Variants in EMC2 observed in about 807,000 individuals in gnomAD.
EMC2 encodes the protein ER membrane protein complex subunit 2.
A neutral mutation model predicts 51.6 loss-of-function variants in EMC2; 37 were observed. That is an observed-to-expected ratio of 0.72 (90% CI 0.55 to 0.94). The LOEUF (loss-of-function observed/expected upper bound fraction) is 0.94, where lower values mean the gene tolerates loss of function less well. Among genes scored for constraint, EMC2 ranks in the 40% least tolerant of loss-of-function variants. The pLI is 0.00. For missense variants in EMC2, 359 were observed against 350.9 expected, an observed-to-expected ratio of 1.02 and a Z score of -0.18; for synonymous variants, 131 against 112.4, an observed-to-expected ratio of 1.17 and a Z score of -1.04.
At chr8:108,469,312 TATC>T (rs946950374) in intron 5 of EMC2, among the ~76,000 whole-genome samples, 26 of 152,220 alleles carry the variant, frequency 1.7e-4, no homozygotes, top group African/African-American at 6.0e-4. Flanking sequence ...TTGTTTTGCT[TATC>T]ATACAATATT....
intron 4 of EMC2, among the ~76,000 whole-genome samples, 159 bp from the exon 5 acceptor site, chr8:108,455,714 A>G (rs1819134385): frequency 6.6e-6 from 1 of 152,202 alleles, no homozygotes. Context: ...TGTTATATGA[A>G]GATGGAAGAC....
At chr8:108,448,381 C>A (rs1818931434) in intron 1 of EMC2, among the ~76,000 whole-genome samples, 1 of 152,076 alleles carries the variant, frequency 6.6e-6, no homozygotes, top group African/African-American at 2.4e-5. Context: ...GGCTCTGTGT[C>A]CCCACCCAAA....
intron 3 of EMC2, among the ~76,000 whole-genome samples, chr8:108,452,600 A>G (rs970089476): frequency 1.3e-5 from 2 of 152,142 alleles, no homozygotes; most frequent in Non-Finnish European, 2.9e-5. Flanking sequence ...TGATTAATAT[A>G]AAATTTCAAC....
At chr8:108,484,014 A>T (rs1811091727) in intron 10 of EMC2, among the ~76,000 whole-genome samples, 1 of 152,118 alleles carries the variant, frequency 6.6e-6, no homozygotes, top group African/African-American at 2.4e-5. Flanking sequence ...CTTTGTTTCC[A>T]CTTAATGATG....
intron 4 of EMC2, among the ~76,000 whole-genome samples, chr8:108,453,776 T>G (rs535428370): frequency 2.6e-5 from 4 of 152,282 alleles, no homozygotes; most frequent in East Asian, 1.9e-4. Context: ...TGTCCTTATA[T>G]TCTGCCTATT....
intron 9 of EMC2, among the ~76,000 whole-genome samples, chr8:108,478,232 G>A (rs1810981537): frequency 6.6e-6 from 1 of 151,956 alleles, no homozygotes. Flanking sequence ...TTAAGAATAG[G>A]AATCAAGTTA....
chr8:108,485,823 A>T (rs1298156630), intron 10 of EMC2, among the ~76,000 whole-genome samples: 1 of 151,466 alleles, frequency 6.6e-6, no homozygotes, highest in Non-Finnish European at 1.5e-5. Context: ...TGATGTATTT[A>T]TTTTGTTTTC....
intron 5 of EMC2, chr8:108,464,105 A>G (rs1310316482): frequency 6.6e-6 from 1 of 152,204 alleles, no homozygotes; most frequent in African/African-American, 2.4e-5. Context: ...TTGCATTTTC[A>G]TCTTTTTCAT....
chr8:108,470,184 C>A, intron 7 of EMC2, 63 bp downstream of exon 7: 2 of 1,143,872 alleles, frequency 1.7e-6, no homozygotes, highest in Non-Finnish European at 2.6e-6. Flanking sequence ...GTTCAGAAAG[C>A]ACTGTGGTTT....
chr8:108,461,076 C>A (rs1421915745), intron 5 of EMC2, among the ~76,000 whole-genome samples: 1 of 152,222 alleles, frequency 6.6e-6, no homozygotes, highest in Admixed American at 6.5e-5. Flanking sequence ...TATGCAACAG[C>A]TAAAGTTACT....
chr8:108,450,440 A>T lies in EMC2; in HGVS notation c.167A>T (p.Tyr56Phe). The change falls in exon 3 of 11, where the codon TAT becomes TTT. Residue 56 changes from tyrosine to phenylalanine, a missense_variant. Transcript: ENST00000220853. The part of the protein sequence containing the change: ...SKLGDDIWII[Y>F]EQVMIAALDY... ...TATGTGTATCTAGTTTGGATCATATATGAACAGGTGATGATTGCAGCACTA... is the reference window on the plus strand; with the variant it reads ...TATGTGTATCTAGTTTGGATCATATTTGAACAGGTGATGATTGCAGCACTA... 1 of 1,600,666 alleles carries T rather than the reference A, an allele frequency of 6.2e-7. No individual in the cohort carries two copies. The highest frequency in any genetic ancestry group is 8.6e-7 in the Non-Finnish European group (1 of 1,167,840).
chr8:108,478,934 G>A (rs1810996992), intron 9 of EMC2, 72 bp from the exon 10 acceptor site: 1 of 653,572 alleles, frequency 1.5e-6, no homozygotes, highest in South Asian at 3.3e-5. Context: ...TTGCAACCAT[G>A]TCCCTTATGT....
chr8:108,486,484 T>C (rs1327784467), intron 10 of EMC2, 28 bp from the exon 11 acceptor site: 6 of 1,453,690 alleles, frequency 4.1e-6, no homozygotes, highest in Non-Finnish European at 5.4e-6. Context: ...TGAGCCTAAT[T>C]GAGCTTTTTT....
chr8:108,462,241 C>A (rs1240137471), intron 5 of EMC2, among the ~76,000 whole-genome samples: 1 of 38,572 alleles, frequency 2.6e-5, no homozygotes, highest in Non-Finnish European at 5.0e-5. Context: ...ATTCCTCTGA[C>A]AGGGAGAATG....
intron 4 of EMC2, among the ~76,000 whole-genome samples, chr8:108,454,339 C>A (rs1357811513): frequency 6.6e-6 from 1 of 151,908 alleles, no homozygotes; most frequent in African/African-American, 2.4e-5. Flanking sequence ...TATAGAATTT[C>A]GTATTTTCTC....
At chr8:108,463,071 C>T (rs1390491019) in intron 5 of EMC2, among the ~76,000 whole-genome samples, 1 of 152,146 alleles carries the variant, frequency 6.6e-6, no homozygotes, top group Non-Finnish European at 1.5e-5. Context: ...TTTTATACCT[C>T]TGAGTTGATT....
chr8:108,448,006 G>A (rs1818920707), intron 1 of EMC2, among the ~76,000 whole-genome samples: 1 of 151,868 alleles, frequency 6.6e-6, no homozygotes, highest in South Asian at 2.1e-4. Flanking sequence ...TCTAGTGTTT[G>A]GTGTCCTAAA....
chr8:108,470,610 T>A, intron 7 of EMC2, among the ~76,000 whole-genome samples: 1 of 152,072 alleles, frequency 6.6e-6, no homozygotes, highest in Non-Finnish European at 1.5e-5. Flanking sequence ...CTGAGAATAA[T>A]CAAGAATGTT....
At chr8:108,471,217 T>C (rs1192637232) in intron 7 of EMC2, among the ~76,000 whole-genome samples, 1 of 151,972 alleles carries the variant, frequency 6.6e-6, no homozygotes, top group Non-Finnish European at 1.5e-5. Flanking sequence ...CATGATTTCT[T>C]ACACATGTGA....
Sources: gnomAD v4.1 joint callset for allele counts (sites outside exome capture counted in the v4.1 genomes callset) on GRCh38, gnomAD v4.1.1 for gene constraint, MANE v1.5 for transcripts, NCBI Gene and HGNC (gene_info 2026-07-23, HGNC 2026-07-21) for gene names.